The following LOXL2 variants were observed in gnomAD, a reference collection of about 807,000 sequenced individuals.
LOXL2 encodes lysyl oxidase like 2.
In LOXL2, 70 loss-of-function variants were observed where a neutral mutation model predicts 93.0. The observed-to-expected ratio is 0.75, with a 90% confidence interval of 0.62 to 0.92. LOXL2 has a LOEUF of 0.92. LOXL2 is among the 40% of genes least tolerant of loss of function. The probability of loss-of-function intolerance (pLI) is 0.00; values close to 1 mark genes in which losing one functional copy is unlikely to be tolerated. For synonymous variants in LOXL2, 438 were observed against 413.2 expected (o/e 1.06, Z -0.73); for missense variants, 973 against 1,054.9 (o/e 0.92, Z 1.08).
At chr8:23,316,062 C>T (rs1317064889) in intron 9 of LOXL2, among the ~76,000 whole-genome samples, 1 of 152,168 alleles carries the variant, frequency 6.6e-6, no homozygotes, top group African/African-American at 2.4e-5. Context: ...CCCTGAGGTC[C>T]TGCTTTGCAA....
intron 12 of LOXL2, among the ~76,000 whole-genome samples, chr8:23,301,404 C>A (rs1342831612): frequency 2.0e-5 from 3 of 152,188 alleles, no homozygotes; most frequent in East Asian, 3.8e-4. Flanking sequence ...GGCCTTCCAC[C>A]CAGAGTATGT....
chr8:23,361,832 C>G (rs11777497), intron 2 of LOXL2, among the ~76,000 whole-genome samples: 55,308 of 151,268 alleles, frequency 0.37, 10,838 homozygotes, highest in Middle Eastern at 0.44. Flanking sequence ...GAGCAAGACT[C>G]CGTCTCAAAA....
intron 1 of LOXL2, among the ~76,000 whole-genome samples, chr8:23,386,243 A>G (rs1420302436): frequency 6.6e-6 from 1 of 152,142 alleles, no homozygotes; most frequent in Non-Finnish European, 1.5e-5. Context: ...AAATACAAAA[A>G]TTAGCCGGGC....
chr8:23,300,561 A>C (rs369877348), intron 12 of LOXL2, among the ~76,000 whole-genome samples: 1 of 152,186 alleles, frequency 6.6e-6, no homozygotes, highest in East Asian at 1.9e-4. Flanking sequence ...GCACCTAAAG[A>C]AGCTCCATGT....
intron 10 of LOXL2, among the ~76,000 whole-genome samples, chr8:23,308,313 G>A (rs895482708): frequency 2.0e-5 from 3 of 152,202 alleles, no homozygotes; most frequent in African/African-American, 7.2e-5. Flanking sequence ...CTGATGTGTC[G>A]GTCTGCCACG....
At chr8:23,323,329 G>A (rs919685041) in intron 6 of LOXL2, among the ~76,000 whole-genome samples, 3 of 152,216 alleles carry the variant, frequency 2.0e-5, no homozygotes, top group African/African-American at 7.2e-5. Flanking sequence ...AAGAGCAGAA[G>A]GTTCTGTCTG....
intron 1 of LOXL2, among the ~76,000 whole-genome samples, chr8:23,383,745 C>A (rs1413530560): frequency 6.9e-6 from 1 of 145,790 alleles, no homozygotes; most frequent in Admixed American, 7.0e-5. Flanking sequence ...ACTGCAAGCT[C>A]TGCCTCCCGG....
In LOXL2 at chr8:23,317,128, C is replaced by G; in HGVS notation, c.1471-14G>C. On this transcript the variant is annotated splice_polypyrimidine_tract_variant and intron_variant, in intron 8 of 13. Transcript: ENST00000389131. ...ATACCAGGTCTCCTGGAAGAACCAA[C>G]AAAACAAATGGTGGGTACATCATCT... 6.2e-7 allele frequency: 1 copy of G among 1,613,306 alleles called. No individual in the cohort carries two copies. The highest frequency in any genetic ancestry group is 8.5e-7 in the Non-Finnish European group (1 of 1,179,644).
intron 12 of LOXL2, among the ~76,000 whole-genome samples, chr8:23,300,814 A>G (rs973017104): frequency 6.6e-6 from 1 of 152,238 alleles, no homozygotes; most frequent in African/African-American, 2.4e-5. Context: ...CACTGGCCAG[A>G]ATACAGGGAG....
rs1449351527 is a variant in LOXL2, at chr8:23,370,262, C to T, written c.-83-1828G>A. Among the ~76,000 whole-genome samples the T allele has an allele frequency of 2.6e-5, 4 of 152,284 alleles. No homozygotes were observed. In the East Asian group the frequency reaches 7.7e-4, roughly 29 times the overall value. ...GCGCCTCCATCCCCTCCCCTCCCCT[C>T]CAAATGGCACCTGGTGCAATCCTTC... On this transcript the variant is annotated intron_variant, in intron 1 of 13. Coordinates refer to ENST00000389131, the MANE Select transcript of LOXL2 (RefSeq NM_002318.3).
intron 1 of LOXL2, among the ~76,000 whole-genome samples, chr8:23,388,989 T>G (rs543728108): frequency 3.9e-4 from 59 of 152,274 alleles, no homozygotes; most frequent in African/African-American, 1.3e-3. Context: ...ACAAGCATCA[T>G]TCATTGGAAG....
intron 5 of LOXL2, among the ~76,000 whole-genome samples, chr8:23,331,079 G>A (rs572752284): frequency 2.6e-5 from 4 of 152,328 alleles, no homozygotes; most frequent in Middle Eastern, 3.4e-3. Flanking sequence ...AGCCTGGGAT[G>A]GGGGCACCCA....
chr8:23,349,918 A>G (rs1804062192), intron 3 of LOXL2, among the ~76,000 whole-genome samples: 1 of 152,120 alleles, frequency 6.6e-6, no homozygotes, highest in Non-Finnish European at 1.5e-5. Context: ...CCCAAGTCCA[A>G]CATTTTAATA....
chr8:23,333,379 A>G, intron 5 of LOXL2, 22 bp downstream of exon 5: 1 of 1,611,008 alleles, frequency 6.2e-7, no homozygotes, highest in Non-Finnish European at 8.5e-7. Context: ...CCAAGTGGCC[A>G]CACCTCGTGC....
chr8:23,397,102 C>T (rs970403862), intron 1 of LOXL2, among the ~76,000 whole-genome samples: 1 of 152,040 alleles, frequency 6.6e-6, no homozygotes, highest in Non-Finnish European at 1.5e-5. Context: ...GAGCCAGACA[C>T]GAAAAGACAA....
chr8:23,354,298 G>A (rs140596575), intron 3 of LOXL2, among the ~76,000 whole-genome samples: 411 of 152,332 alleles, frequency 2.7e-3, no homozygotes, highest in Non-Finnish European at 4.0e-3. Context: ...CTTGCAGACA[G>A]AGTAGGCATG....
In LOXL2 at chr8:23,360,216, A is replaced by T; in HGVS notation, c.405T>A (p.Leu135=). Residue 135 remains leucine, a synonymous_variant, in exon 3 of 14, where the codon CTT becomes CTA. Transcript: ENST00000389131. ...CCCAGCCATTGGAGGTGCATGCTGCAAGGGTCGCCTCGTTGCCAGTACAGT... is the reference window on the plus strand; with the variant it reads ...CCCAGCCATTGGAGGTGCATGCTGCTAGGGTCGCCTCGTTGCCAGTACAGT... ...NLHCTGNEAT[L]AACTSNGWGV... is the part of the protein sequence containing the mutation. 6.2e-7 allele frequency: 1 copy of T among 1,613,984 alleles called. No homozygotes were observed. The highest frequency in any genetic ancestry group is 8.5e-7 in the Non-Finnish European group (1 of 1,179,916).
chr8:23,374,430 A>G (rs1585376845), intron 1 of LOXL2, among the ~76,000 whole-genome samples: 1 of 152,314 alleles, frequency 6.6e-6, no homozygotes, highest in East Asian at 1.9e-4. Flanking sequence ...GCGCCTTTAC[A>G]GCAGCCTGAT....
intron 1 of LOXL2, among the ~76,000 whole-genome samples, chr8:23,389,540 T>C (rs1181788878): frequency 1.3e-5 from 2 of 152,202 alleles, no homozygotes; most frequent in African/African-American, 4.8e-5. Flanking sequence ...TAATGCCCCA[T>C]GTGACTAACT....
Sources: gnomAD v4.1 joint callset for allele counts (sites outside exome capture counted in the v4.1 genomes callset) on GRCh38, gnomAD v4.1.1 for gene constraint, MANE v1.5 for transcripts, NCBI Gene and HGNC (gene_info 2026-07-23, HGNC 2026-07-21) for gene names.